FIP1L1: variants seen among roughly 807,000 people sequenced by gnomAD.
FIP1L1 encodes the protein pre-mRNA 3'-end-processing factor FIP1.
Under a neutral mutation model 84.6 loss-of-function variants are expected in FIP1L1, and 21 were observed. That is an observed-to-expected ratio of 0.25 (90% CI 0.18 to 0.36). FIP1L1 has a LOEUF of 0.36. Ranked by LOEUF, FIP1L1 falls within the 10% of genes least tolerant of loss-of-function variation. The pLI is 1.00. For missense variants in FIP1L1, 526 were observed against 751.1 expected, an observed-to-expected ratio of 0.70 and a Z score of 3.50; for synonymous variants, 263 against 242.3, an observed-to-expected ratio of 1.09 and a Z score of -0.80.
intron 10 of FIP1L1, among the ~76,000 whole-genome samples, chr4:53,408,307 A>T (rs377435788): frequency 1.3e-5 from 2 of 152,200 alleles, no homozygotes; most frequent in Admixed American, 1.3e-4. Flanking sequence ...TCCTTTAAGA[A>T]TGTTGAATAT....
intron 2 of FIP1L1, 49 bp downstream of exon 2, chr4:53,379,166 T>G (rs1475093401): frequency 6.8e-6 from 11 of 1,607,442 alleles, no homozygotes; most frequent in Non-Finnish European, 7.6e-6. Flanking sequence ...CTAGTTTCTT[T>G]AAGAGTGGTT....
intron 10 of FIP1L1, among the ~76,000 whole-genome samples, chr4:53,404,559 T>C (rs971751538): frequency 3.3e-5 from 5 of 151,834 alleles, no homozygotes; most frequent in Admixed American, 6.5e-5. Flanking sequence ...ATGGTATTTC[T>C]AGTTATAGAT....
intron 9 of FIP1L1, among the ~76,000 whole-genome samples, chr4:53,392,501 T>C (rs1227958551): frequency 6.6e-6 from 1 of 152,246 alleles, no homozygotes; most frequent in Admixed American, 6.5e-5. Flanking sequence ...TATGTGATGA[T>C]GTCTGTTGTG....
At chr4:53,421,603 A>G (rs1401934712) in intron 11 of FIP1L1, among the ~76,000 whole-genome samples, 1 of 152,222 alleles carries the variant, frequency 6.6e-6, no homozygotes, top group Non-Finnish European at 1.5e-5. Context: ...AGTTGGGAAT[A>G]TGAGATAGCC....
chr4:53,416,235 G>T (rs1759436342), intron 11 of FIP1L1, among the ~76,000 whole-genome samples: 1 of 152,144 alleles, frequency 6.6e-6, no homozygotes, highest in Non-Finnish European at 1.5e-5. Flanking sequence ...TGGCAGTATG[G>T]ACAGCCTATT....
Position 53,458,654 on chromosome 4 carries a change from G to T in FIP1L1, c.1501G>T (p.Asp501Tyr). ...HSPTPSVFNS[D>Y]EERYRYREYA... ...AAAACATTTCTATTTCAATTTCAGC[G>T]ATGAAGAACGATACAGATACAGGGA... Residue 501 changes from aspartate to tyrosine, a missense_variant and splice_region_variant, in exon 17 of 18, where the codon GAT (aspartate) becomes TAT (tyrosine). Around this residue, in one of 6 missense-constraint regions of FIP1L1, gnomAD observed 89 missense variants for 169.0 expected, o/e 0.53. Transcript: ENST00000337488. 1 of 1,605,906 alleles carries T rather than the reference G, an allele frequency of 6.2e-7. No homozygotes were observed. The highest frequency in any genetic ancestry group is 8.5e-7 in the Non-Finnish European group (1 of 1,176,336).
chr4:53,422,158 A>G (rs1414819326), intron 11 of FIP1L1, among the ~76,000 whole-genome samples: 4 of 152,190 alleles, frequency 2.6e-5, no homozygotes, highest in African/African-American at 7.2e-5. Context: ...ATTGCAATCC[A>G]TTAGTGGGTT....
At chr4:53,434,296 G>T (rs1432707473) in intron 13 of FIP1L1, among the ~76,000 whole-genome samples, 1 of 151,980 alleles carries the variant, frequency 6.6e-6, no homozygotes, top group Non-Finnish European at 1.5e-5. Context: ...AATTTAGTGG[G>T]AAGTGGTCTT....
At chr4:53,381,212 A>G (rs1737688463) in intron 3 of FIP1L1, among the ~76,000 whole-genome samples, 1 of 152,212 alleles carries the variant, frequency 6.6e-6, no homozygotes, top group African/African-American at 2.4e-5. Flanking sequence ...CCAAAAGAGT[A>G]GGCCTATTGA....
chr4:53,399,090 C>T (rs1748924526), intron 9 of FIP1L1, among the ~76,000 whole-genome samples: 1 of 152,134 alleles, frequency 6.6e-6, no homozygotes, highest in South Asian at 2.1e-4. Context: ...GAGGTGGAGG[C>T]TTCAGTGAGC....
intron 5 of FIP1L1, among the ~76,000 whole-genome samples, chr4:53,385,728 G>A (rs1327446891): frequency 6.6e-6 from 1 of 152,116 alleles, no homozygotes; most frequent in African/African-American, 2.4e-5. Context: ...CCATCACCTA[G>A]ATTATACAAT....
chr4:53,438,448 T>C (rs1344866238), intron 13 of FIP1L1, among the ~76,000 whole-genome samples: 1 of 152,238 alleles, frequency 6.6e-6, no homozygotes, highest in Non-Finnish European at 1.5e-5. Context: ...GAATTGGTTA[T>C]ATAGTGTTTC....
intron 10 of FIP1L1, among the ~76,000 whole-genome samples, chr4:53,406,762 A>G (rs1055922420): frequency 6.6e-6 from 1 of 152,316 alleles, no homozygotes; most frequent in African/African-American, 2.4e-5. Context: ...CGAGGAATTT[A>G]TCCATGTCTT....
intron 15 of FIP1L1, among the ~76,000 whole-genome samples, chr4:53,446,948 T>G (rs1216242999): frequency 6.6e-6 from 1 of 152,108 alleles, no homozygotes; most frequent in Non-Finnish European, 1.5e-5. Flanking sequence ...GTTTTTTGTT[T>G]TTGTTTTTGT....
In FIP1L1 at chr4:53,453,128, C is replaced by T. The variant is rs1243718613; in HGVS notation, c.1494C>T (p.Phe498=). 1 of 1,613,872 alleles carries T rather than the reference C, an allele frequency of 6.2e-7. No individual in the cohort carries two copies. Among genetic ancestry groups the T allele is most frequent in the African/African-American group, 1.3e-5 (1 of 74,908 alleles). The change falls in exon 16 of 18, where the codon TTC becomes TTT. Residue 498 remains phenylalanine, a synonymous_variant. Coordinates refer to ENST00000337488, the MANE Select transcript of FIP1L1 (RefSeq NM_030917.4). ...ATCACAGTCCTACACCAAGTGTTTTCAACAGGTTTGTTGGGTGTGCAGGAG... is the reference window on the plus strand; with the variant it reads ...ATCACAGTCCTACACCAAGTGTTTTTAACAGGTTTGTTGGGTGTGCAGGAG... ...ERDHSPTPSV[F]NSDEERYRYR...
At chr4:53,447,346 C>T (rs1477392100) in intron 15 of FIP1L1, among the ~76,000 whole-genome samples, 1 of 151,884 alleles carries the variant, frequency 6.6e-6, no homozygotes, top group Non-Finnish European at 1.5e-5. Flanking sequence ...ATTTTTGCTC[C>T]TCTTCTCATT....
At chr4:53,453,280 A>G in intron 16 of FIP1L1, 147 bp downstream of exon 16, 1 of 858,844 alleles carries the variant, frequency 1.2e-6, no homozygotes, top group South Asian at 1.8e-5. Context: ...ATAAAGGATT[A>G]GAGGCTTCCC....
chr4:53,456,799 T>A (rs1181402094), intron 16 of FIP1L1, among the ~76,000 whole-genome samples: 3 of 152,092 alleles, frequency 2.0e-5, no homozygotes, highest in African/African-American at 7.2e-5. Context: ...GGACCCAATC[T>A]TCTACCATCT....
At position 53,420,450 on chromosome 4, in the gene FIP1L1, A is replaced by G. The variant is rs1369496201; in HGVS notation, c.924-5422A>G. On this transcript the variant is annotated intron_variant, in intron 11 of 17. Transcript: ENST00000337488. ...ATCTCAAAAAAAAAAAAAAAAAAAG[A>G]TAAATCAGACACTCAGTGAGTGTCG... 5.2e-5 allele frequency among the ~76,000 whole-genome samples: 4 copies of G among 76,224 alleles called. 1 individual carries two copies. The highest frequency in any genetic ancestry group is 1.4e-4 in the Non-Finnish European group (4 of 28,500). The allele number at this position is 76,224 out of a possible 152,430, so 50.0% of individuals were successfully genotyped here.
Sources: allele counts gnomAD v4.1 joint callset (sites outside exome capture counted in the v4.1 genomes callset), GRCh38; gene constraint gnomAD v4.1.1; regional missense constraint gnomAD v4.1.1; transcripts MANE v1.5; gene names NCBI Gene and HGNC (gene_info 2026-07-23, HGNC 2026-07-21).